SLC9A8: variants seen among roughly 807,000 people sequenced by gnomAD.
SLC9A8 encodes the protein sodium/hydrogen exchanger 8.
Under a neutral mutation model 66.6 loss-of-function variants are expected in SLC9A8, and 48 were observed. The ratio of observed to expected loss-of-function variants is 0.72; its 90% CI spans 0.57 to 0.92. The LOEUF (loss-of-function observed/expected upper bound fraction) is 0.92, where lower values mean the gene tolerates loss of function less well. Among genes scored for constraint, SLC9A8 ranks in the 40% least tolerant of loss-of-function variants. The probability of loss-of-function intolerance (pLI) is 0.00; values close to 1 mark genes in which losing one functional copy is unlikely to be tolerated. For synonymous variants in SLC9A8, 274 were observed against 282.6 expected, an observed-to-expected ratio of 0.97 and a Z score of 0.31; for missense variants, 599 against 747.3, an observed-to-expected ratio of 0.80 and a Z score of 2.31.
chr20:49,879,392 A>G (rs554251873), intron 12 of SLC9A8, among the ~76,000 whole-genome samples: 2 of 152,342 alleles, frequency 1.3e-5, no homozygotes, highest in South Asian at 4.1e-4. Context: ...TCATCTCTCT[A>G]TACCTCAGTT....
In SLC9A8 at chr20:49,890,451, T is replaced by G. The variant is rs1177347904; in HGVS notation, c.*2515T>G. 6.6e-6 allele frequency: 1 copy of G among 152,204 alleles called. No homozygotes were observed. The highest frequency in any genetic ancestry group is 2.4e-5 in the African/African-American group (1 of 41,440). 9.4% of individuals were successfully genotyped at this position (152,204 alleles called of 1,614,324 possible). ...GGTCTAGGCCATGGTACAGGAGAAC[T>G]GTGGCGTGTAGGAGGAATACTTCAG... is the stretch of plus-strand genomic sequence containing the variant. On this transcript the variant is annotated 3_prime_UTR_variant, in exon 16 of 16. Transcript: ENST00000361573.
At chr20:49,872,055 G>T (rs2089229476) in intron 10 of SLC9A8, among the ~76,000 whole-genome samples, 1 of 152,144 alleles carries the variant, frequency 6.6e-6, no homozygotes, top group Non-Finnish European at 1.5e-5. Flanking sequence ...GGAGGCGGAG[G>T]TTGCATTGAG....
At chr20:49,834,387 TG>T (rs2087408477) in intron 3 of SLC9A8, among the ~76,000 whole-genome samples, 1 of 47,058 alleles carries the variant, frequency 2.1e-5, no homozygotes, top group Non-Finnish European at 3.6e-5. Flanking sequence ...ATATATACTG[TG>T]TATATATATA....
At chr20:49,855,410 A>C (rs758371982) in intron 7 of SLC9A8, 28 bp from the exon 8 acceptor site, 3 of 1,611,076 alleles carry the variant, frequency 1.9e-6, no homozygotes, top group Non-Finnish European at 1.7e-6. Flanking sequence ...CACATTACAG[A>C]ATCTCCCCTT....
At position 49,862,916 on chromosome 20, in the gene SLC9A8, T is replaced by C; in HGVS notation, c.714-13T>C. 6.3e-7 allele frequency: 1 copy of C among 1,592,856 alleles called. No individual in the cohort carries two copies. The highest frequency in any genetic ancestry group is 1.1e-5 in the South Asian group (1 of 87,882). On this transcript the variant is annotated splice_polypyrimidine_tract_variant and intron_variant, in intron 8 of 15. Coordinates refer to ENST00000361573, the MANE Select transcript of SLC9A8 (RefSeq NM_015266.3). ...AACATTTTAATTTATTTCTGTTTTC[T>C]TTCATTTCCTAGCACAGCTGAAGGT... is the stretch of plus-strand genomic sequence containing the variant.
At position 49,886,624 on chromosome 20, in the gene SLC9A8, C is replaced by A. The variant is rs530397414; in HGVS notation, c.1492-128C>A. 2.6e-6 allele frequency: 3 copies of A among 1,137,012 alleles called. No individual in the cohort carries two copies. The highest frequency in any genetic ancestry group is 4.6e-5 in the Admixed American group (2 of 43,596). The allele number at this position is 1,137,012 out of a possible 1,614,324, so 70.4% of individuals were successfully genotyped here. On this transcript the variant is annotated intron_variant, in intron 14 of 15. Coordinates refer to ENST00000361573, the MANE Select transcript of SLC9A8 (RefSeq NM_015266.3). The surrounding 1 kb of genome is among the most constrained non-coding windows in gnomAD (Gnocchi z 4.8). ...CAGGAGGCCGTCTGCTGCCCGTCACCCTGCATTGATGGTCAAGTGGAGTTA... is the reference window on the plus strand; with the variant it reads ...CAGGAGGCCGTCTGCTGCCCGTCACACTGCATTGATGGTCAAGTGGAGTTA...
chr20:49,839,064 C>A (rs944982116), intron 3 of SLC9A8, among the ~76,000 whole-genome samples: 10 of 152,172 alleles, frequency 6.6e-5, no homozygotes, highest in African/African-American at 2.2e-4. Flanking sequence ...TTTCACAGAA[C>A]TTTTACTTTA....
chr20:49,844,052 C>A (rs185178075), intron 4 of SLC9A8, among the ~76,000 whole-genome samples: 1 of 152,146 alleles, frequency 6.6e-6, no homozygotes, highest in East Asian at 1.9e-4. Flanking sequence ...TATCAGATAC[C>A]CAGTCTTGAA....
At chr20:49,855,308 C>A in intron 7 of SLC9A8, 130 bp from the exon 8 acceptor site, 1 of 940,502 alleles carries the variant, frequency 1.1e-6, no homozygotes, top group Admixed American at 2.3e-5. Context: ...AATACGCTAC[C>A]TTCTGTAATT....
At chr20:49,830,071 A>T in intron 3 of SLC9A8, 1 of 723,074 alleles carries the variant, frequency 1.4e-6, no homozygotes, top group Middle Eastern at 2.5e-4. Context: ...TTAAAGATGC[A>T]GATCCTCATT....
chr20:49,880,003 G>A (rs1600806246), intron 12 of SLC9A8, among the ~76,000 whole-genome samples: 1 of 151,594 alleles, frequency 6.6e-6, no homozygotes, highest in East Asian at 2.0e-4. Context: ...GCTCACACCT[G>A]TAATCCTAGC....
rs1384075409 is a variant in SLC9A8 at position 49,886,170 on chromosome 20, C to T, written c.1492-582C>T. 6.6e-6 allele frequency among the ~76,000 whole-genome samples: 1 copy of T among 151,994 alleles called. No individual in the cohort carries two copies. The highest frequency in any genetic ancestry group is 1.5e-5 in the Non-Finnish European group (1 of 67,992). On this transcript the variant is annotated intron_variant, in intron 14 of 15. Coordinates refer to ENST00000361573, the MANE Select transcript of SLC9A8 (RefSeq NM_015266.3). This position sits in a 1 kb window ranked among gnomAD's most constrained non-coding sequence, Gnocchi z 4.8. ...CTTCACTGTGGCCCCACTGAGACTCCTCCAGCAGAGCAGGCGCTGCACTCA... is the reference window on the plus strand; with the variant it reads ...CTTCACTGTGGCCCCACTGAGACTCTTCCAGCAGAGCAGGCGCTGCACTCA...
At chr20:49,848,527 C>T (rs756898089) in intron 5 of SLC9A8, among the ~76,000 whole-genome samples, 2 of 152,156 alleles carry the variant, frequency 1.3e-5, no homozygotes, top group African/African-American at 2.4e-5. Flanking sequence ...AAACAAGATT[C>T]TTGTTCACAA....
intron 3 of SLC9A8, among the ~76,000 whole-genome samples, chr20:49,834,049 G>C (rs1324000774): frequency 6.6e-6 from 1 of 151,182 alleles, no homozygotes; most frequent in Non-Finnish European, 1.5e-5. Context: ...GGGAGTTCAA[G>C]ACCAGCTTGG....
chr20:49,879,591 G>C (rs529511869), intron 12 of SLC9A8, among the ~76,000 whole-genome samples: 9 of 152,120 alleles, frequency 5.9e-5, no homozygotes, highest in African/African-American at 2.2e-4. Flanking sequence ...TTGGGAGGCT[G>C]AGGCGGGTGG....
In SLC9A8 at chr20:49,871,232, A is replaced by G. The variant is rs374440722; in HGVS notation, c.959-3473A>G. 1.2e-4 allele frequency among the ~76,000 whole-genome samples: 19 copies of G among 152,292 alleles called. 1 individual carries two copies. Among genetic ancestry groups the G allele is most frequent in the African/African-American group, 4.3e-4 (18 of 41,576 alleles). On this transcript the variant is annotated intron_variant, in intron 10 of 15. Coordinates refer to ENST00000361573, the MANE Select transcript of SLC9A8 (RefSeq NM_015266.3). ...ACTCAGCCCTCAAGAAGTATGTTAT[A>G]TTTTACATACAGTAAGGCACGGTAC...
intron 14 of SLC9A8, 42 bp downstream of exon 14, chr20:49,884,108 C>T (rs2146768686): frequency 6.4e-7 from 1 of 1,568,944 alleles, no homozygotes; most frequent in Non-Finnish European, 8.8e-7. Context: ...GGGGGCTGGC[C>T]TGCTACGCAG....
intron 8 of SLC9A8, among the ~76,000 whole-genome samples, 186 bp downstream of exon 8, chr20:49,855,767 G>T (rs2088452164): frequency 6.6e-6 from 1 of 152,102 alleles, no homozygotes; most frequent in Non-Finnish European, 1.5e-5. Flanking sequence ...ATATGGTCAG[G>T]TTCCAGGGGT....
intron 7 of SLC9A8, 136 bp from the exon 8 acceptor site, chr20:49,855,302 C>G: frequency 1.1e-6 from 1 of 897,710 alleles, no homozygotes; most frequent in Non-Finnish European, 1.7e-6. Flanking sequence ...GGAAAAAATA[C>G]GCTACCTTCT....
Sources: gnomAD v4.1 joint callset for allele counts (sites outside exome capture counted in the v4.1 genomes callset) on GRCh38, gnomAD v4.1.1 for gene constraint, Gnocchi (gnomAD v3.1) non-coding constraint, MANE v1.5 for transcripts, NCBI Gene and HGNC (gene_info 2026-07-23, HGNC 2026-07-21) for gene names.